Variants in SEC22A observed in about 807,000 individuals in gnomAD.
SEC22A encodes SEC22 homolog A, vesicle trafficking protein, also known as vesicle-trafficking protein SEC22a.
A neutral mutation model predicts 35.3 loss-of-function variants in SEC22A; 22 were observed. The ratio of observed to expected loss-of-function variants is 0.62; its 90% CI spans 0.45 to 0.89. The LOEUF (loss-of-function observed/expected upper bound fraction) is 0.89, where lower values mean the gene tolerates loss of function less well. SEC22A is among the 40% of genes least tolerant of loss of function. The pLI is 0.00. For missense variants in SEC22A, 354 were observed against 362.5 expected (o/e 0.98, Z 0.19); for synonymous variants, 119 against 129.5 (o/e 0.92, Z 0.55).
At chr3:123,203,600 G>A (rs1936796530) in intron 1 of SEC22A, among the ~76,000 whole-genome samples, 2 of 152,194 alleles carry the variant, frequency 1.3e-5, no homozygotes, top group Admixed American at 1.3e-4. Flanking sequence ...AGATGGTGGA[G>A]CCAGGATTAG....
chr3:123,271,801 C>CT lies in SEC22A; in HGVS notation c.*80dup. The CT allele has an allele frequency of 8.5e-7, 1 of 1,178,086 alleles. No homozygotes were observed. Among genetic ancestry groups the CT allele is most frequent in the Non-Finnish European group, 1.2e-6 (1 of 814,798 alleles). 73.0% of individuals were successfully genotyped at this position (1,178,086 alleles called of 1,614,324 possible). On this transcript the variant is annotated 3_prime_UTR_variant, in exon 7 of 7. Coordinates refer to ENST00000492595, the MANE Select transcript of SEC22A (RefSeq NM_012430.5). ...TCATAACTGCACTGTGATGAAGAAG[C>CT]TGTTCCCCACAGAGGAGAAGCTCTG...
chr3:123,207,379 C>T (rs1486715590), intron 1 of SEC22A, among the ~76,000 whole-genome samples: 1 of 151,748 alleles, frequency 6.6e-6, no homozygotes, highest in African/African-American at 2.4e-5. Context: ...TAATATTGAC[C>T]TAGATTAAGT....
chr3:123,270,844 T>G (rs1325143168), intron 6 of SEC22A, among the ~76,000 whole-genome samples: 1 of 152,226 alleles, frequency 6.6e-6, no homozygotes, highest in Non-Finnish European at 1.5e-5. Context: ...CTGCTTTCTC[T>G]TTTTCAAGAC....
chr3:123,206,819 A>C (rs576055745), intron 1 of SEC22A, among the ~76,000 whole-genome samples: 1 of 152,316 alleles, frequency 6.6e-6, no homozygotes, highest in East Asian at 1.9e-4. Flanking sequence ...TGGGCGTGGT[A>C]GCTCATGCCT....
rs56873450 is a variant in SEC22A at position 123,250,827 on chromosome 3, GTATTT to G, written c.657+4816_657+4820del. On this transcript the variant is annotated intron_variant, in intron 5 of 6. Coordinates refer to ENST00000492595, the MANE Select transcript of SEC22A (RefSeq NM_012430.5). The stretch of plus-strand genomic sequence containing the variant: ...TAGGATAGCTTGATGGAATAACAAT[GTATTT>G]TAATTTGCATAAAGAAACTGGAAAG... 7.0e-3 allele frequency among the ~76,000 whole-genome samples: 1,061 copies of G among 152,230 alleles called. 5 individuals carry two copies. The highest frequency in any genetic ancestry group is 0.024 in the African/African-American group (986 of 41,526).
chr3:123,260,393 A>G (rs1937863803), intron 6 of SEC22A, among the ~76,000 whole-genome samples: 1 of 152,196 alleles, frequency 6.6e-6, no homozygotes, highest in Non-Finnish European at 1.5e-5. Context: ...AGGTAATGAA[A>G]GCCAACATAT....
intron 6 of SEC22A, among the ~76,000 whole-genome samples, chr3:123,268,387 T>A (rs1387757314): frequency 2.6e-5 from 4 of 152,196 alleles, no homozygotes; most frequent in Non-Finnish European, 5.9e-5. Flanking sequence ...AAAAGAAAAC[T>A]CAGAGAACCT....
chr3:123,223,489 C>T, intron 2 of SEC22A, 70 bp from the exon 3 acceptor site: 1 of 1,184,354 alleles, frequency 8.4e-7, no homozygotes, highest in Non-Finnish European at 1.2e-6. Flanking sequence ...TGTATAGAAC[C>T]AGTCTTGTGA....
At chr3:123,262,022 AC>A (rs1221710197) in intron 6 of SEC22A, among the ~76,000 whole-genome samples, 1 of 152,338 alleles carries the variant, frequency 6.6e-6, no homozygotes, top group Non-Finnish European at 1.5e-5. Flanking sequence ...AAGGCATGAA[AC>A]TGCCTGCTTT....
intron 6 of SEC22A, among the ~76,000 whole-genome samples, chr3:123,270,573 G>C (rs1576507828): frequency 6.6e-6 from 1 of 152,264 alleles, no homozygotes; most frequent in East Asian, 1.9e-4. Context: ...TATGTCCCAG[G>C]CACTGTTCTG....
intron 6 of SEC22A, among the ~76,000 whole-genome samples, chr3:123,269,892 A>G (rs1257416599): frequency 1.3e-5 from 2 of 151,970 alleles, no homozygotes; most frequent in South Asian, 2.1e-4. Context: ...TGGGCCTCCC[A>G]AAGTGCTGGG....
chr3:123,243,653 T>A (rs529520963), intron 4 of SEC22A, among the ~76,000 whole-genome samples: 1 of 152,316 alleles, frequency 6.6e-6, no homozygotes, highest in South Asian at 2.1e-4. Context: ...AGAAGTGCCT[T>A]GAGGGCAGAA....
chr3:123,273,372 A>G lies in SEC22A; in HGVS notation c.*1650A>G, dbSNP rs2108119412. ...GGATTCATGTAAAACAGGAAATAGTAGTTGGCTCCAGTCTTCTCCTCTAAC... is the reference window on the plus strand; with the variant it reads ...GGATTCATGTAAAACAGGAAATAGTGGTTGGCTCCAGTCTTCTCCTCTAAC... On this transcript the variant is annotated 3_prime_UTR_variant, in exon 7 of 7. Transcript: ENST00000492595. The G allele has an allele frequency of 6.6e-6, 1 of 152,346 alleles. No individual in the cohort carries two copies. The highest frequency in any genetic ancestry group is 1.9e-4 in the East Asian group (1 of 5,186). The allele number at this position is 152,346 out of a possible 1,614,324, so 9.4% of individuals were successfully genotyped here. A position where few individuals can be genotyped will look rare whatever the true frequency, so the allele number is the denominator to read the frequency against.
intron 4 of SEC22A, among the ~76,000 whole-genome samples, chr3:123,245,332 A>T (rs1937557498): frequency 6.6e-6 from 1 of 152,202 alleles, no homozygotes; most frequent in African/African-American, 2.4e-5. Flanking sequence ...TTTCTAAATG[A>T]TTTACTGCCG....
In SEC22A at chr3:123,256,334, A is replaced by G. The variant is rs141892441; in HGVS notation, c.658-3190A>G. 5.4e-4 allele frequency among the ~76,000 whole-genome samples: 83 copies of G among 152,364 alleles called. No homozygotes were observed. In the East Asian group the frequency reaches 0.014, roughly 25 times the overall value. ...TGGATGTCCCACTAGCAGCTCTAGA[A>G]TAGCATGTCCCACAGTGAGCTCAGT... is the stretch of plus-strand genomic sequence containing the variant. On this transcript the variant is annotated intron_variant, in intron 5 of 6. Transcript: ENST00000492595.
intron 5 of SEC22A, among the ~76,000 whole-genome samples, chr3:123,253,353 A>C (rs1937640378): frequency 6.6e-6 from 1 of 152,208 alleles, no homozygotes; most frequent in African/African-American, 2.4e-5. Context: ...TACAAAGCAG[A>C]AGTCATCAAC....
intron 6 of SEC22A, among the ~76,000 whole-genome samples, chr3:123,263,925 C>G (rs956461368): frequency 1.5e-5 from 2 of 137,106 alleles, no homozygotes; most frequent in Admixed American, 7.3e-5. Flanking sequence ...TGATTTGTTC[C>G]TTTTTTTTTT....
At chr3:123,215,532 C>T (rs1287276337) in intron 2 of SEC22A, among the ~76,000 whole-genome samples, 3 of 152,232 alleles carry the variant, frequency 2.0e-5, no homozygotes, top group East Asian at 3.9e-4. Flanking sequence ...CAGAATGGCG[C>T]TGAAGGTAAT....
rs1232365223 is a variant in SEC22A, at chr3:123,272,565, T to C, written c.*843T>C. ...GTATCAGTTTGCCATAAATAAAAGGTAACCACAAAATAAGTAAGATGAACA... is the reference window on the plus strand; with the variant it reads ...GTATCAGTTTGCCATAAATAAAAGGCAACCACAAAATAAGTAAGATGAACA... On this transcript the variant is annotated 3_prime_UTR_variant, in exon 7 of 7. Transcript: ENST00000492595. 1 of 152,190 alleles carries C rather than the reference T, an allele frequency of 6.6e-6. No individual in the cohort carries two copies. The highest frequency in any genetic ancestry group is 1.5e-5 in the Non-Finnish European group (1 of 68,022). The allele number at this position is 152,190 out of a possible 1,614,324, so 9.4% of individuals were successfully genotyped here.
Sources: gnomAD v4.1 joint callset for allele counts (sites outside exome capture counted in the v4.1 genomes callset) on GRCh38, gnomAD v4.1.1 for gene constraint, MANE v1.5 for transcripts, NCBI Gene and HGNC (gene_info 2026-07-23, HGNC 2026-07-21) for gene names.